Variants in VPS8 observed in about 807,000 individuals in gnomAD.
The protein encoded by VPS8 is vacuolar protein sorting-associated protein 8 homolog.
Under a neutral mutation model 216.4 loss-of-function variants are expected in VPS8, and 129 were observed. The ratio of observed to expected loss-of-function variants is 0.60; its 90% CI spans 0.52 to 0.69. The LOEUF (loss-of-function observed/expected upper bound fraction) is 0.69, where lower values mean the gene tolerates loss of function less well. Ranked by LOEUF, VPS8 falls within the 30% of genes least tolerant of loss-of-function variation. The probability of loss-of-function intolerance (pLI) is 0.00; values close to 1 mark genes in which losing one functional copy is unlikely to be tolerated. For missense variants in VPS8, 1,531 were observed against 1,683.5 expected (o/e 0.91, Z 1.59); for synonymous variants, 571 against 565.4 (o/e 1.01, Z -0.14).
intron 28 of VPS8, among the ~76,000 whole-genome samples, chr3:184,919,611 T>A (rs1195086667): frequency 1.3e-5 from 2 of 152,208 alleles, no homozygotes; most frequent in Admixed American, 1.3e-4. Context: ...GAATAGTAAG[T>A]AGGCTTGAGA....
At chr3:184,825,330 A>C (rs938112832) in intron 2 of VPS8, among the ~76,000 whole-genome samples, 13 of 152,208 alleles carry the variant, frequency 8.5e-5, no homozygotes, top group Admixed American at 5.2e-4. Flanking sequence ...ATGACTTCTC[A>C]AAGTCACAGA....
intron 7 of VPS8, among the ~76,000 whole-genome samples, chr3:184,842,348 G>A (rs373288205): frequency 6.6e-6 from 1 of 150,380 alleles, no homozygotes; most frequent in Non-Finnish European, 1.5e-5. Flanking sequence ...CTTGGGCCTG[G>A]TTCCTGGTTT....
intron 36 of VPS8, among the ~76,000 whole-genome samples, chr3:184,945,268 T>C (rs1743481301): frequency 6.6e-6 from 1 of 152,092 alleles, no homozygotes; most frequent in East Asian, 1.9e-4. Context: ...TTTTCCAGCC[T>C]AAACCTCTTC....
At chr3:184,990,118 G>T (rs1352137901) in intron 42 of VPS8, among the ~76,000 whole-genome samples, 1 of 152,104 alleles carries the variant, frequency 6.6e-6, no homozygotes, top group East Asian at 1.9e-4. Flanking sequence ...CTGTTTTCTG[G>T]AATAGATTGT....
At chr3:185,031,091 T>TTTTTTTTTTTTTTTTTCA (rs1758097347) in intron 46 of VPS8, among the ~76,000 whole-genome samples, 1 of 144,562 alleles carries the variant, frequency 6.9e-6, no homozygotes, top group African/African-American at 2.7e-5. Context: ...TTTTTTTTTT[T>TTTTTTTTTTTTTTTTTCA]AAGGGAAAAA....
At chr3:184,853,106 A>G (rs1332075353) in intron 11 of VPS8, among the ~76,000 whole-genome samples, 4 of 152,170 alleles carry the variant, frequency 2.6e-5, no homozygotes, top group Non-Finnish European at 4.4e-5. Flanking sequence ...TAACAATGCT[A>G]AGTACAAAGT....
At chr3:184,997,308 C>T (rs1752745481) in intron 44 of VPS8, among the ~76,000 whole-genome samples, 1 of 152,148 alleles carries the variant, frequency 6.6e-6, no homozygotes, top group Non-Finnish European at 1.5e-5. Flanking sequence ...AGCTGTGAGA[C>T]CTTGGACAAG....
rs946821878 is a variant in VPS8 at position 184,915,134 on chromosome 3, A to C, written c.2262+81A>C. On this transcript the variant is annotated intron_variant, in intron 27 of 47. Transcript: ENST00000625842. ...TGAAGACAAATTGCAGTTGAGGCTT[A>C]CACGTGGGTCAGGAGCTATCACCTG... The C allele has an allele frequency of 1.5e-5, 22 of 1,498,130 alleles. No homozygotes were observed. The Middle Eastern group carries it at 1.4e-3, about 93-fold the overall frequency. The allele number at this position is 1,498,130 out of a possible 1,614,324, so 92.8% of individuals were successfully genotyped here.
chr3:184,921,032 T>C (rs183236625), intron 29 of VPS8, among the ~76,000 whole-genome samples: 6 of 152,340 alleles, frequency 3.9e-5, no homozygotes, highest in Admixed American at 3.9e-4. Context: ...TGTCAGATGA[T>C]GCCAGTTTGA....
intron 46 of VPS8, among the ~76,000 whole-genome samples, chr3:185,042,256 T>C (rs1711825131): frequency 6.6e-6 from 1 of 152,240 alleles, no homozygotes; most frequent in Admixed American, 6.5e-5. Flanking sequence ...GGTTTTTTTC[T>C]GGCAAGCTAT....
intron 34 of VPS8, among the ~76,000 whole-genome samples, chr3:184,933,527 TTG>T (rs35601004): frequency 7.3e-5 from 11 of 150,076 alleles, no homozygotes; most frequent in African/African-American, 9.8e-5. Context: ...CTTTCGATCT[TTG>T]TGTGTGTGTG....
rs560004232 is a variant in VPS8 at position 184,918,022 on chromosome 3, G to A, written c.2383-2105G>A. Among the ~76,000 whole-genome samples the A allele has an allele frequency of 2.0e-5, 3 of 152,276 alleles. No individual in the cohort carries two copies. The South Asian group carries it at 6.2e-4, about 32-fold the overall frequency. On this transcript the variant is annotated intron_variant, in intron 28 of 47. Transcript: ENST00000625842. Reference sequence around the variant, plus strand: ...ACATGAATTTGGGGGCATACAAATGGATTGAAATGAGATAAGATGGAGGCA... The same window carrying A: ...ACATGAATTTGGGGGCATACAAATGAATTGAAATGAGATAAGATGGAGGCA...
At chr3:184,986,637 C>A (rs902827602) in intron 42 of VPS8, among the ~76,000 whole-genome samples, 13 of 152,158 alleles carry the variant, frequency 8.5e-5, no homozygotes, top group Non-Finnish European at 1.9e-4. Context: ...AAACCCTAAA[C>A]AGATTGGATG....
intron 36 of VPS8, among the ~76,000 whole-genome samples, chr3:184,942,995 G>T (rs567852640): frequency 2.0e-5 from 3 of 152,194 alleles, no homozygotes; most frequent in South Asian, 2.1e-4. Flanking sequence ...AAAAAGTTTT[G>T]ATTTGTTTAA....
intron 21 of VPS8, chr3:184,885,826 CCTT>C (rs1280190976): frequency 6.9e-6 from 2 of 289,498 alleles, no homozygotes; most frequent in Non-Finnish European, 6.4e-6. Flanking sequence ...CCCTTCCCCT[CCTT>C]CTTCTGCTCC....
chr3:184,949,763 T>C (rs1178438513), intron 36 of VPS8, among the ~76,000 whole-genome samples: 1 of 152,334 alleles, frequency 6.6e-6, no homozygotes, highest in Middle Eastern at 3.4e-3. Context: ...TTTTGCTTAG[T>C]TGGCAAAACT....
At chr3:184,988,183 T>C (rs1264155797) in intron 42 of VPS8, among the ~76,000 whole-genome samples, 1 of 152,256 alleles carries the variant, frequency 6.6e-6, no homozygotes. Flanking sequence ...GTCTAGTTTA[T>C]TGACTTTTTC....
intron 46 of VPS8, among the ~76,000 whole-genome samples, chr3:185,043,779 A>T (rs1712233177): frequency 6.6e-6 from 1 of 152,186 alleles, no homozygotes; most frequent in South Asian, 2.1e-4. Context: ...TTAAAGCAGA[A>T]TCATGAAGGA....
At chr3:184,863,476 G>T (rs1726758616) in intron 16 of VPS8, among the ~76,000 whole-genome samples, 1 of 152,112 alleles carries the variant, frequency 6.6e-6, no homozygotes, top group South Asian at 2.1e-4. Context: ...GGAAATATTT[G>T]GGTGATAATG....
Sources: gnomAD v4.1 joint callset for allele counts (sites outside exome capture counted in the v4.1 genomes callset) on GRCh38, gnomAD v4.1.1 for gene constraint, MANE v1.5 for transcripts, NCBI Gene and HGNC (gene_info 2026-07-23, HGNC 2026-07-21) for gene names.